The following LIN28B variants were observed in gnomAD, a reference collection of about 807,000 sequenced individuals.
LIN28B encodes the protein protein lin-28 homolog B.
In LIN28B, 5 loss-of-function variants were observed where a neutral mutation model predicts 21.9. The ratio of observed to expected loss-of-function variants is 0.23; its 90% CI spans 0.12 to 0.48. LIN28B has a LOEUF of 0.48. Among genes scored for constraint, LIN28B ranks in the 20% least tolerant of loss-of-function variants. The probability of loss-of-function intolerance (pLI) is 0.98; values close to 1 mark genes in which losing one functional copy is unlikely to be tolerated. For missense variants in LIN28B, 245 were observed against 310.5 expected (o/e 0.79, Z 1.58); for synonymous variants, 109 against 111.3 (o/e 0.98, Z 0.13).
intron 3 of LIN28B, among the ~76,000 whole-genome samples, chr6:105,030,732 G>C (rs572419341): frequency 1.3e-5 from 2 of 151,682 alleles, no homozygotes; most frequent in South Asian, 4.2e-4. Flanking sequence ...GAGTAGCCGG[G>C]ACTACAGGTG....
chr6:105,030,406 T>C (rs1771394455), intron 3 of LIN28B, among the ~76,000 whole-genome samples: 1 of 151,266 alleles, frequency 6.6e-6, no homozygotes, highest in African/African-American at 2.5e-5. Context: ...GAGACAGTTT[T>C]AGTAATGAGA....
intron 2 of LIN28B, among the ~76,000 whole-genome samples, chr6:105,024,405 T>C (rs1302865782): frequency 6.6e-6 from 1 of 152,108 alleles, no homozygotes; most frequent in Non-Finnish European, 1.5e-5. Flanking sequence ...CTCCATTTCA[T>C]CTGTAAAAGA....
chr6:104,965,113 T>C (rs1769828223), intron 2 of LIN28B, among the ~76,000 whole-genome samples: 1 of 152,258 alleles, frequency 6.6e-6, no homozygotes, highest in Admixed American at 6.5e-5. Context: ...AGCTGGTCTT[T>C]TATGTGCTTT....
intron 2 of LIN28B, among the ~76,000 whole-genome samples, chr6:104,996,310 G>A (rs1404419471): frequency 6.6e-6 from 1 of 152,202 alleles, no homozygotes; most frequent in Non-Finnish European, 1.5e-5. Flanking sequence ...GAAGAGGGGA[G>A]TGTTTGATCA....
intron 3 of LIN28B, among the ~76,000 whole-genome samples, chr6:105,030,096 A>G (rs969011867): frequency 7.2e-5 from 11 of 152,336 alleles, no homozygotes; most frequent in South Asian, 2.1e-4. Flanking sequence ...CCAACTTTCT[A>G]TTAAGCTAAG....
At chr6:105,046,999 T>A (rs1259789260) in intron 3 of LIN28B, among the ~76,000 whole-genome samples, 4 of 152,204 alleles carry the variant, frequency 2.6e-5, no homozygotes, top group African/African-American at 7.2e-5. Flanking sequence ...TTTCTTTTGC[T>A]GTGCAGAAGC....
intron 2 of LIN28B, among the ~76,000 whole-genome samples, chr6:104,994,698 A>G (rs959441096): frequency 6.6e-6 from 1 of 152,232 alleles, no homozygotes; most frequent in Admixed American, 6.5e-5. Context: ...AGAAGGCATT[A>G]CATTCAGAGC....
At chr6:104,973,189 G>C (rs1770015443) in intron 2 of LIN28B, among the ~76,000 whole-genome samples, 2 of 151,492 alleles carry the variant, frequency 1.3e-5, no homozygotes, top group African/African-American at 4.9e-5. Flanking sequence ...CATCCTCTCT[G>C]TCTTTAGTTT....
chr6:105,068,869 A>G (rs966400507), intron 3 of LIN28B, among the ~76,000 whole-genome samples: 23 of 152,226 alleles, frequency 1.5e-4, no homozygotes, highest in African/African-American at 5.5e-4. Context: ...TCATTTTTAT[A>G]AAAAGCAGAG....
intron 3 of LIN28B, among the ~76,000 whole-genome samples, chr6:105,067,599 G>A (rs1033661782): frequency 6.6e-6 from 1 of 151,830 alleles, no homozygotes; most frequent in African/African-American, 2.4e-5. Flanking sequence ...CCATTAGCCA[G>A]AACAGACTAT....
At chr6:105,009,859 A>G (rs746925930) in intron 2 of LIN28B, among the ~76,000 whole-genome samples, 5 of 152,158 alleles carry the variant, frequency 3.3e-5, no homozygotes, top group Non-Finnish European at 7.4e-5. Flanking sequence ...AGCAGCCAAG[A>G]GTATAGTCTG....
At chr6:105,012,107 G>A (rs1279104433) in intron 2 of LIN28B, among the ~76,000 whole-genome samples, 2 of 151,978 alleles carry the variant, frequency 1.3e-5, no homozygotes, top group African/African-American at 2.4e-5. Context: ...GCAGTGAGCC[G>A]AGATTGCGCC....
chr6:105,033,051 A>G (rs1269795436), intron 3 of LIN28B, among the ~76,000 whole-genome samples: 1 of 152,112 alleles, frequency 6.6e-6, no homozygotes, highest in Admixed American at 6.5e-5. Flanking sequence ...TTGAATGAAG[A>G]TGATTTATCA....
chr6:105,010,748 G>C (rs953109425), intron 2 of LIN28B, among the ~76,000 whole-genome samples: 1 of 152,106 alleles, frequency 6.6e-6, no homozygotes, highest in Non-Finnish European at 1.5e-5. Flanking sequence ...CAGTGAAATT[G>C]TAAGTGCACC....
chr6:105,039,456 G>C (rs773868242), intron 3 of LIN28B, among the ~76,000 whole-genome samples: 1 of 152,060 alleles, frequency 6.6e-6, no homozygotes, highest in African/African-American at 2.4e-5. Context: ...AAACCCTACT[G>C]TATTGTTGAA....
Position 105,023,346 on chromosome 6 carries a change from AATAT to A in LIN28B, c.199-2946_199-2943del, listed in dbSNP as rs1335320076. On this transcript the variant is annotated intron_variant, in intron 2 of 3. Transcript: ENST00000345080. Reference sequence around the variant, plus strand: ...TAATATATATAATTATATTATATATAATATATATAATTATATTATATATAATATA... The same window carrying A: ...TAATATATATAATTATATTATATATAATATAATTATATTATATATAATATA... Among the ~76,000 whole-genome samples, 20 of 22,198 alleles carry A rather than the reference AATAT, an allele frequency of 9.0e-4. 2 individuals are homozygous for A. Among genetic ancestry groups the A allele is most frequent in the African/African-American group, 2.8e-3 (14 of 4,998 alleles). The allele number at this position is 22,198 out of a possible 152,430, so 14.6% of individuals were successfully genotyped here. A position where few individuals can be genotyped will look rare whatever the true frequency, so the allele number is the denominator to read the frequency against.
chr6:104,943,605 G>A (rs1472314779), intron 2 of LIN28B, among the ~76,000 whole-genome samples: 1 of 152,066 alleles, frequency 6.6e-6, no homozygotes, highest in Non-Finnish European at 1.5e-5. Flanking sequence ...TGAAAGTGGC[G>A]TTACAAATTT....
At position 105,011,483 on chromosome 6, in the gene LIN28B, C is replaced by G. The variant is rs115403352; in HGVS notation, c.199-14815C>G. ...AGGAGTATAGGCGTGAGCCACTGTG[C>G]CTGCCCCGCAGTGTTCCTCTCTTGT... On this transcript the variant is annotated intron_variant, in intron 2 of 3. Coordinates refer to ENST00000345080, the MANE Select transcript of LIN28B (RefSeq NM_001004317.4). 7.0e-3 allele frequency among the ~76,000 whole-genome samples: 1,068 copies of G among 152,302 alleles called. 10 individuals carry two copies. Among genetic ancestry groups the G allele is most frequent in the African/African-American group, 0.024 (989 of 41,556 alleles).
At chr6:104,953,811 A>T (rs1179575372), upstream of LIN28B, among the ~76,000 whole-genome samples, 1 of 152,078 alleles carries the variant, frequency 6.6e-6, no homozygotes, top group African/African-American at 2.4e-5. Flanking sequence ...GGAGGAGAGG[A>T]CGGGTGGAGT....
Sources: gnomAD v4.1 joint callset for allele counts (sites outside exome capture counted in the v4.1 genomes callset) on GRCh38, gnomAD v4.1.1 for gene constraint, MANE v1.5 for transcripts, NCBI Gene and HGNC (gene_info 2026-07-23, HGNC 2026-07-21) for gene names.